Variants in KCNS3 observed in about 807,000 individuals in gnomAD.
KCNS3 encodes the protein potassium voltage-gated channel modifier subfamily S member 3.
Under a neutral mutation model 31.0 loss-of-function variants are expected in KCNS3, and 13 were observed. The observed-to-expected ratio is 0.42, with a 90% CI of 0.27 to 0.67. The LOEUF is 0.67. KCNS3 is among the 30% of genes least tolerant of loss of function. The probability of loss-of-function intolerance (pLI) is 0.25; values close to 1 mark genes in which losing one functional copy is unlikely to be tolerated. For synonymous variants in KCNS3, 238 were observed against 241.5 expected (o/e 0.99, Z 0.13); for missense variants, 545 against 622.4 (o/e 0.88, Z 1.32).
At position 17,931,566 on chromosome 2, in the gene KCNS3, T is replaced by C. The variant is rs1662973091; in HGVS notation, c.558T>C (p.Leu186=). 6 of 1,614,186 alleles carry C rather than the reference T, an allele frequency of 3.7e-6. No individual in the cohort carries two copies. The Admixed American group carries it at 8.3e-5, about 22-fold the overall frequency. Residue 186 remains leucine, a synonymous_variant, in exon 3 of 3, where the codon CTT becomes CTC. Coordinates refer to ENST00000304101, the MANE Select transcript of KCNS3 (RefSeq NM_002252.5). The surrounding 1 kb of genome is among the most constrained non-coding windows in gnomAD (Gnocchi z 5.4). ...CAGCGTACTGCCTGTCCGCTAAGCT[T>C]ATCGCTATCTCCTCCTTGAGCGTGG... is the stretch of plus-strand genomic sequence containing the variant. ...ENPAYCLSAK[L]IAISSLSVVL...
intron 1 of KCNS3, among the ~76,000 whole-genome samples, chr2:17,892,525 C>T (rs927369446): frequency 2.6e-5 from 4 of 152,028 alleles, no homozygotes; most frequent in Non-Finnish European, 5.9e-5. Flanking sequence ...TGTTATAGTA[C>T]CAGAGTTGAT....
chr2:17,918,244 G>C (rs1487471171), intron 2 of KCNS3, among the ~76,000 whole-genome samples: 3 of 152,214 alleles, frequency 2.0e-5, no homozygotes, highest in Non-Finnish European at 2.9e-5. Context: ...ATTGGTCAGA[G>C]TCTGGCTCAG....
intron 1 of KCNS3, among the ~76,000 whole-genome samples, chr2:17,916,645 C>G (rs2125248369): frequency 6.6e-6 from 1 of 152,302 alleles, no homozygotes; most frequent in Admixed American, 6.5e-5. Flanking sequence ...TTCATTCCCC[C>G]TCCATTGCCC....
At chr2:17,930,076 T>G (rs1476039290) in intron 2 of KCNS3, among the ~76,000 whole-genome samples, 1 of 152,196 alleles carries the variant, frequency 6.6e-6, no homozygotes, top group Non-Finnish European at 1.5e-5. Context: ...GTATCCTGAT[T>G]AGTGTCAGAA....
Position 17,916,797 on chromosome 2 carries a change from G to A in KCNS3, c.-251-883G>A, listed in dbSNP as rs576644580. The stretch of plus-strand genomic sequence containing the variant: ...CAGCAGATCATAAACCACAGTGAAT[G>A]TTTGTTTAATCACTGGCCTAGCCAG... On this transcript the variant is annotated intron_variant, in intron 1 of 2. Transcript: ENST00000304101. 4.0e-5 allele frequency among the ~76,000 whole-genome samples: 6 copies of A among 150,014 alleles called. 1 individual carries two copies. In the South Asian group the frequency reaches 1.3e-3, roughly 32 times the overall value.
chr2:17,880,769 A>G (rs1192332612), intron 1 of KCNS3, among the ~76,000 whole-genome samples: 1 of 152,208 alleles, frequency 6.6e-6, no homozygotes, highest in Non-Finnish European at 1.5e-5. Context: ...GCAAAGCACC[A>G]ACTGAGTATC....
chr2:17,917,368 T>C (rs1298538807), intron 1 of KCNS3, among the ~76,000 whole-genome samples: 1 of 152,172 alleles, frequency 6.6e-6, no homozygotes, highest in Non-Finnish European at 1.5e-5. Flanking sequence ...AGAAACCATG[T>C]GGGAGTAGGT....
intron 2 of KCNS3, among the ~76,000 whole-genome samples, chr2:17,923,729 C>T (rs1464946983): frequency 1.3e-5 from 2 of 151,806 alleles, no homozygotes; most frequent in African/African-American, 2.4e-5. Flanking sequence ...ATCGAAAAGA[C>T]TCTTCTTACC....
chr2:17,905,005 T>C (rs1249815212), intron 1 of KCNS3, among the ~76,000 whole-genome samples: 1 of 152,208 alleles, frequency 6.6e-6, no homozygotes, highest in Non-Finnish European at 1.5e-5. Flanking sequence ...AGAAAGTCAT[T>C]GGTAGCTTGA....
At chr2:17,912,876 T>A (rs183915650) in intron 1 of KCNS3, among the ~76,000 whole-genome samples, 131 of 152,344 alleles carry the variant, frequency 8.6e-4, no homozygotes, top group African/African-American at 3.0e-3. Flanking sequence ...AAGTTTTCAT[T>A]TTCTTTTAGG....
intron 1 of KCNS3, among the ~76,000 whole-genome samples, chr2:17,903,357 G>C (rs1447777870): frequency 6.6e-6 from 1 of 152,134 alleles, no homozygotes; most frequent in Non-Finnish European, 1.5e-5. Context: ...AAATTAAAAA[G>C]TATATGTCTA....
At chr2:17,903,258 G>C (rs559899630) in intron 1 of KCNS3, among the ~76,000 whole-genome samples, 1 of 152,264 alleles carries the variant, frequency 6.6e-6, no homozygotes, top group South Asian at 2.1e-4. Flanking sequence ...TCTAGGGACT[G>C]GAATGCAGTG....
intron 1 of KCNS3, among the ~76,000 whole-genome samples, chr2:17,905,954 A>G (rs574203355): frequency 1.3e-5 from 2 of 152,190 alleles, no homozygotes; most frequent in Non-Finnish European, 2.9e-5. Flanking sequence ...AGGCTTTGGT[A>G]TCATGATGAT....
At chr2:17,893,650 G>A (rs1007695683) in intron 1 of KCNS3, among the ~76,000 whole-genome samples, 4 of 152,254 alleles carry the variant, frequency 2.6e-5, no homozygotes, top group Non-Finnish European at 5.9e-5. Context: ...TCAGCTCCAG[G>A]TAAAGTTGGA....
chr2:17,887,766 G>A (rs1661713194), intron 1 of KCNS3, among the ~76,000 whole-genome samples: 1 of 152,126 alleles, frequency 6.6e-6, no homozygotes, highest in Admixed American at 6.5e-5. Flanking sequence ...TACCATAGTG[G>A]TTGTACTAGT....
At chr2:17,883,923 G>A (rs1674699699) in intron 1 of KCNS3, among the ~76,000 whole-genome samples, 1 of 152,052 alleles carries the variant, frequency 6.6e-6, no homozygotes, top group African/African-American at 2.4e-5. Context: ...ATACTATGCA[G>A]CCATAAAAAA....
At chr2:17,893,273 C>A (rs1661902288) in intron 1 of KCNS3, among the ~76,000 whole-genome samples, 1 of 152,196 alleles carries the variant, frequency 6.6e-6, no homozygotes, top group South Asian at 2.1e-4. Flanking sequence ...ACCCTGTCCC[C>A]TCCTACAGCC....
chr2:17,897,660 G>A (rs1421392664), intron 1 of KCNS3, among the ~76,000 whole-genome samples: 1 of 152,090 alleles, frequency 6.6e-6, no homozygotes, highest in South Asian at 2.1e-4. Context: ...ATTTCTTATA[G>A]ATTCTGGATG....
rs141345709 is a variant in KCNS3, at chr2:17,931,317, C to T, written c.309C>T (p.Ile103=). Residue 103 remains isoleucine (I), a synonymous_variant, in exon 3 of 3, where the codon ATC becomes ATT. Coordinates refer to ENST00000304101, the MANE Select transcript of KCNS3 (RefSeq NM_002252.5). The surrounding 1 kb of genome is among the most constrained non-coding windows in gnomAD (Gnocchi z 5.4). ...ELCVFSFCQE[I]EYWGINELFI... is the part of the protein sequence containing the mutation. ...GCGTATTCTCATTCTGCCAGGAGAT[C>T]GAGTACTGGGGCATCAACGAGCTCT... The T allele has an allele frequency of 5.0e-5, 80 of 1,613,988 alleles. No individual in the cohort carries two copies. The highest frequency in any genetic ancestry group is 2.0e-4 in the Admixed American group (12 of 59,996).
Sources: allele counts gnomAD v4.1 joint callset (sites outside exome capture counted in the v4.1 genomes callset), GRCh38; gene constraint gnomAD v4.1.1; non-coding constraint Gnocchi (gnomAD v3.1); transcripts MANE v1.5; gene names NCBI Gene and HGNC (gene_info 2026-07-23, HGNC 2026-07-21).